The following ARHGAP26 variants were observed in gnomAD, a reference collection of about 807,000 sequenced individuals.
ARHGAP26 encodes the protein rho GTPase-activating protein 26.
In ARHGAP26, 38 loss-of-function variants were observed where a neutral mutation model predicts 104.8. The observed-to-expected ratio is 0.36, with a 90% CI of 0.28 to 0.48. ARHGAP26 has a LOEUF of 0.48. Among genes scored for constraint, ARHGAP26 ranks in the 20% least tolerant of loss-of-function variants. The pLI, the probability that ARHGAP26 is intolerant of heterozygous loss-of-function variation, is 0.99. For synonymous variants in ARHGAP26, 341 were observed against 340.0 expected (o/e 1.00, Z -0.03); for missense variants, 704 against 947.9 (o/e 0.74, Z 3.38).
intron 1 of ARHGAP26, among the ~76,000 whole-genome samples, chr5:142,810,255 A>G (rs1458942728): frequency 1.3e-5 from 2 of 152,238 alleles, no homozygotes; most frequent in African/African-American, 4.8e-5. Context: ...TGTTGTTGGA[A>G]CAGGTCCCAG....
At chr5:143,103,892 T>C (rs1198213164) in intron 17 of ARHGAP26, among the ~76,000 whole-genome samples, 1 of 152,036 alleles carries the variant, frequency 6.6e-6, no homozygotes, top group Non-Finnish European at 1.5e-5. Flanking sequence ...TGTATACCTA[T>C]GTAACCAGCA....
intron 14 of ARHGAP26, among the ~76,000 whole-genome samples, chr5:143,050,731 G>C (rs1310279675): frequency 6.6e-6 from 1 of 152,176 alleles, no homozygotes; most frequent in Non-Finnish European, 1.5e-5. Context: ...GTCCAATTTT[G>C]TCTACCAGTG....
rs896984562 is a variant in ARHGAP26, at chr5:142,770,475, C to A, written c.-287C>A. 2 of 192,798 alleles carry A rather than the reference C, an allele frequency of 1.0e-5. No homozygotes were observed. Among genetic ancestry groups the A allele is most frequent in the Middle Eastern group, 1.7e-3 (1 of 572 alleles). The allele number at this position is 192,798 out of a possible 1,614,324, so 11.9% of individuals were successfully genotyped here. On this transcript the variant is annotated 5_prime_UTR_variant, in exon 1 of 23. Coordinates refer to ENST00000645722, the MANE Select transcript of ARHGAP26 (RefSeq NM_001135608.3). ...CGGGGAGGCGGCGTCTGCACTCGCTCGCCCGCTCGCTCGCTTCCCGGCGCC... is the reference window on the plus strand; with the variant it reads ...CGGGGAGGCGGCGTCTGCACTCGCTAGCCCGCTCGCTCGCTTCCCGGCGCC...
chr5:143,067,012 ACCT>A (rs1787588742), intron 17 of ARHGAP26, among the ~76,000 whole-genome samples: 2 of 144,288 alleles, frequency 1.4e-5, no homozygotes, highest in South Asian at 4.3e-4. Flanking sequence ...CATGGAGGTT[ACCT>A]CCCCCTCCCC....
intron 20 of ARHGAP26, among the ~76,000 whole-genome samples, chr5:143,193,247 T>C (rs965757543): frequency 3.7e-5 from 5 of 134,588 alleles, no homozygotes; most frequent in East Asian, 2.2e-4. Context: ...TTTCTTTTTT[T>C]TTTTTTTTTT....
chr5:143,123,528 A>G (rs1343183058), intron 18 of ARHGAP26, among the ~76,000 whole-genome samples: 1 of 152,234 alleles, frequency 6.6e-6, no homozygotes, highest in Non-Finnish European at 1.5e-5. Context: ...ATGTCCTCAG[A>G]AGGATGTTGT....
chr5:143,164,045 CT>C (rs543247118), intron 20 of ARHGAP26, among the ~76,000 whole-genome samples: 4,415 of 140,278 alleles, frequency 0.031, 67 homozygotes, highest in African/African-American at 0.051. Flanking sequence ...TGTATTTGTT[CT>C]TTTTTTTTTT....
intron 20 of ARHGAP26, among the ~76,000 whole-genome samples, chr5:143,200,827 G>A (rs1030644029): frequency 2.6e-5 from 4 of 152,222 alleles, no homozygotes; most frequent in Admixed American, 2.6e-4. Context: ...CTACTGTGGT[G>A]TGGAGATCAG....
At chr5:143,167,623 A>G (rs258778) in intron 20 of ARHGAP26, among the ~76,000 whole-genome samples, 47,463 of 151,922 alleles carry the variant, frequency 0.31, 8,471 homozygotes, top group East Asian at 0.48. Context: ...CAATTCCTTA[A>G]GACCTAGAGA....
intron 1 of ARHGAP26, among the ~76,000 whole-genome samples, chr5:142,780,353 C>T (rs1338933697): frequency 6.6e-6 from 1 of 152,140 alleles, no homozygotes; most frequent in Non-Finnish European, 1.5e-5. Flanking sequence ...GTGACAAATT[C>T]CTAGAAATGA....
intron 10 of ARHGAP26, 60 bp downstream of exon 10, chr5:142,913,353 T>C: frequency 2.0e-6 from 3 of 1,502,762 alleles, no homozygotes; most frequent in Admixed American, 1.7e-5. Flanking sequence ...TATCTTACTT[T>C]TTCTTTCCAG....
rs57462040 is a variant in ARHGAP26 at position 143,193,240 on chromosome 5, C to CTTTT, written c.1989-13936_1989-13933dup. 5.9e-3 allele frequency among the ~76,000 whole-genome samples: 442 copies of CTTTT among 74,538 alleles called. 1 individual carries two copies. The highest frequency in any genetic ancestry group is 0.024 in the Middle Eastern group (2 of 84). 48.9% of individuals were successfully genotyped at this position (74,538 alleles called of 152,430 possible). A position where few individuals can be genotyped will look rare whatever the true frequency, so the allele number is the denominator to read the frequency against. ...GGTATTACAGTGCTTATTTTCTTTT[C>CTTTT]TTTTTTTTTTTTTTTTTTTTTTTTT... On this transcript the variant is annotated intron_variant, in intron 20 of 22. Transcript: ENST00000645722.
At chr5:143,069,778 G>A (rs140151829) in intron 17 of ARHGAP26, among the ~76,000 whole-genome samples, 8 of 152,306 alleles carry the variant, frequency 5.3e-5, no homozygotes, top group African/African-American at 1.9e-4. Context: ...CTCTGTGATG[G>A]ATCTTGTAAG....
In ARHGAP26 at chr5:143,142,134, CTTT is replaced by C. The variant is rs762332039; in HGVS notation, c.1838-5077_1838-5075del. On this transcript the variant is annotated intron_variant, in intron 19 of 22. Coordinates refer to ENST00000645722, the MANE Select transcript of ARHGAP26 (RefSeq NM_001135608.3). ...AACAACAGATTGACTCTACTTTTCA[CTTT>C]TTTTTTTTTTTTTTTTTTTGAGACA... 4.6e-3 allele frequency among the ~76,000 whole-genome samples: 485 copies of C among 105,358 alleles called. 2 individuals carry two copies. The highest frequency in any genetic ancestry group is 0.019 in the African/African-American group (464 of 24,644). 69.1% of individuals were successfully genotyped at this position (105,358 alleles called of 152,430 possible).
chr5:142,972,138 T>C (rs183841348), intron 11 of ARHGAP26, among the ~76,000 whole-genome samples: 106 of 151,422 alleles, frequency 7.0e-4, no homozygotes, highest in African/African-American at 2.4e-3. Flanking sequence ...GCCGAAATTG[T>C]GCCACTGCAC....
intron 11 of ARHGAP26, among the ~76,000 whole-genome samples, chr5:143,000,118 T>C (rs1249142070): frequency 1.3e-5 from 2 of 152,170 alleles, no homozygotes; most frequent in African/African-American, 2.4e-5. Flanking sequence ...AATGAAAAGA[T>C]TGGCAAGTGC....
chr5:143,059,514 GT>G (rs1786379500), intron 17 of ARHGAP26, among the ~76,000 whole-genome samples: 1 of 152,146 alleles, frequency 6.6e-6, no homozygotes, highest in Non-Finnish European at 1.5e-5. Context: ...AGTTGAACTT[GT>G]TCATCTCCTG....
rs1433678380 is a variant in ARHGAP26 at position 143,228,710 on chromosome 5, T to TA, written c.*6266dup. ...GGCACTTTAATGTTTTCTTTTAAAA[T>TA]AACGCACTGTTCTAAACTTCAGTAT... On this transcript the variant is annotated 3_prime_UTR_variant, in exon 23 of 23. Transcript: ENST00000645722. 9.7e-6 allele frequency: 2 copies of TA among 205,626 alleles called. No individual in the cohort carries two copies. The highest frequency in any genetic ancestry group is 2.0e-5 in the Non-Finnish European group (2 of 100,406). The allele number at this position is 205,626 out of a possible 1,614,324, so 12.7% of individuals were successfully genotyped here. A position where few individuals can be genotyped will look rare whatever the true frequency, so the allele number is the denominator to read the frequency against.
At chr5:142,907,176 A>G (rs1410738357) in intron 8 of ARHGAP26, 1 of 152,272 alleles carries the variant, frequency 6.6e-6, no homozygotes, top group African/African-American at 2.4e-5. Context: ...TGCTTTTCAG[A>G]TCTTCTTGAG....
Sources: allele counts gnomAD v4.1 joint callset (sites outside exome capture counted in the v4.1 genomes callset), GRCh38; gene constraint gnomAD v4.1.1; transcripts MANE v1.5; gene names NCBI Gene and HGNC (gene_info 2026-07-23, HGNC 2026-07-21).